PRR16: variants seen among roughly 807,000 people sequenced by gnomAD.
PRR16 encodes proline rich 16.
In PRR16, 6 loss-of-function variants were observed where a neutral mutation model predicts 18.2. That is an observed-to-expected ratio of 0.33 (90% CI 0.18 to 0.65). The LOEUF (loss-of-function observed/expected upper bound fraction) is 0.65, where lower values mean the gene tolerates loss of function less well. Among genes scored for constraint, PRR16 ranks in the 30% least tolerant of loss-of-function variants. The pLI is 0.74. For synonymous variants in PRR16, 151 were observed against 147.8 expected (o/e 1.02, Z -0.16); for missense variants, 412 against 376.6 (o/e 1.09, Z -0.78).
intron 1 of PRR16, among the ~76,000 whole-genome samples, chr5:120,574,907 G>A (rs1433288865): frequency 6.7e-6 from 1 of 148,468 alleles, no homozygotes; most frequent in Non-Finnish European, 1.5e-5. Context: ...ACATAACAAA[G>A]GAATTTGTTC....
chr5:120,688,386 T>A (rs1473670362), downstream of PRR16, among the ~76,000 whole-genome samples: 2 of 152,156 alleles, frequency 1.3e-5, no homozygotes, highest in Admixed American at 6.6e-5. Flanking sequence ...ATCAGAAAGT[T>A]ACAAAACAGA....
chr5:120,540,102 T>C (rs549472567), intron 1 of PRR16, among the ~76,000 whole-genome samples: 1 of 152,288 alleles, frequency 6.6e-6, no homozygotes. Context: ...ATTTTGATGG[T>C]TCATTAGAAG....
the PRR16 span, among the ~76,000 whole-genome samples, chr5:120,786,172 T>C: frequency 1.5e-4 from 23 of 151,774 alleles, no homozygotes; most frequent in African/African-American, 5.3e-4. Flanking sequence ...TCTTGTCTGT[T>C]TGGTAATCTA....
chr5:120,736,453 AAG>A, the PRR16 span, among the ~76,000 whole-genome samples: 1,294 of 151,154 alleles, frequency 8.6e-3, 18 homozygotes, highest in African/African-American at 0.03. Flanking sequence ...TTAGTACAGA[AAG>A]AGTTTCACCA....
intron 1 of PRR16, among the ~76,000 whole-genome samples, chr5:120,498,396 A>T (rs1018094832): frequency 6.7e-6 from 1 of 150,288 alleles, no homozygotes; most frequent in Admixed American, 6.6e-5. Context: ...GTCTTCTTGT[A>T]TTGCCATTTT....
intron 1 of PRR16, among the ~76,000 whole-genome samples, chr5:120,550,857 T>G (rs1014019314): frequency 2.6e-5 from 4 of 152,056 alleles, no homozygotes; most frequent in Admixed American, 2.6e-4. Context: ...TTTTCATTCC[T>G]CTTTACCAGC....
the PRR16 span, among the ~76,000 whole-genome samples, chr5:120,774,847 T>A: frequency 3.9e-5 from 6 of 152,316 alleles, no homozygotes; most frequent in African/African-American, 1.4e-4. Flanking sequence ...TACATAAATC[T>A]GAATATTTAT....
intron 1 of PRR16, among the ~76,000 whole-genome samples, chr5:120,655,732 T>TTG (rs1554092416): frequency 6.8e-4 from 62 of 91,352 alleles, no homozygotes; most frequent in African/African-American, 1.8e-3. Context: ...TGACTTTTTT[T>TTG]TTTTGTTTTT....
the PRR16 span, among the ~76,000 whole-genome samples, chr5:120,744,740 A>G: frequency 6.6e-6 from 1 of 152,174 alleles, no homozygotes; most frequent in East Asian, 1.9e-4. Context: ...TATATTTGTC[A>G]TAAATACTTT....
intron 1 of PRR16, among the ~76,000 whole-genome samples, chr5:120,521,882 T>G (rs1032022994): frequency 6.6e-6 from 1 of 152,174 alleles, no homozygotes; most frequent in South Asian, 2.1e-4. Context: ...CCAAGTTTTC[T>G]CATTGTTCAA....
At chr5:120,717,544 T>C in the PRR16 span, among the ~76,000 whole-genome samples, 1 of 152,126 alleles carries the variant, frequency 6.6e-6, no homozygotes, top group Non-Finnish European at 1.5e-5. Flanking sequence ...TATTTTCTAC[T>C]TATCCACTGG....
the PRR16 span, among the ~76,000 whole-genome samples, chr5:120,794,121 C>G: frequency 6.6e-6 from 1 of 152,106 alleles, no homozygotes; most frequent in South Asian, 2.1e-4. Context: ...ACTATAATCT[C>G]TCTCACTCAT....
chr5:120,572,323 G>C (rs1178958845), intron 1 of PRR16, among the ~76,000 whole-genome samples: 1 of 152,144 alleles, frequency 6.6e-6, no homozygotes, highest in African/African-American at 2.4e-5. Context: ...TTAAATTCCA[G>C]TTGAATTTTA....
chr5:120,775,330 G>C, the PRR16 span, among the ~76,000 whole-genome samples: 1 of 152,002 alleles, frequency 6.6e-6, no homozygotes, highest in Non-Finnish European at 1.5e-5. Flanking sequence ...ATTACTATCA[G>C]TCCAAGTCAC....
chr5:120,610,117 G>A (rs970185268), intron 1 of PRR16, among the ~76,000 whole-genome samples: 1 of 151,982 alleles, frequency 6.6e-6, no homozygotes, highest in African/African-American at 2.4e-5. Context: ...TTTTCGGTGG[G>A]GGGAAGTATC....
At chr5:120,566,405 A>G (rs960384294) in intron 1 of PRR16, among the ~76,000 whole-genome samples, 4 of 152,214 alleles carry the variant, frequency 2.6e-5, no homozygotes, top group African/African-American at 7.2e-5. Flanking sequence ...CTTCCTGCCC[A>G]TTCTAGTGAA....
chr5:120,651,138 G>C (rs554227105), intron 1 of PRR16, among the ~76,000 whole-genome samples: 47 of 152,264 alleles, frequency 3.1e-4, no homozygotes, highest in African/African-American at 1.0e-3. Context: ...TTTGAGAAGT[G>C]TCTGTTCATA....
intron 1 of PRR16, among the ~76,000 whole-genome samples, chr5:120,608,658 A>AT (rs980908470): frequency 2.2e-4 from 33 of 152,194 alleles, no homozygotes; most frequent in Non-Finnish European, 4.0e-4. Flanking sequence ...ATTAGGCTAG[A>AT]TTTTTTTCTA....
intron 1 of PRR16, among the ~76,000 whole-genome samples, chr5:120,667,894 T>C (rs563627469): frequency 7.2e-5 from 11 of 152,280 alleles, no homozygotes; most frequent in African/African-American, 2.6e-4. Context: ...AGTTTTGGAA[T>C]AGGTGTGGTG....
Sources: gnomAD v4.1 joint callset for allele counts (sites outside exome capture counted in the v4.1 genomes callset) on GRCh38, gnomAD v4.1.1 for gene constraint, MANE v1.5 for transcripts, NCBI Gene and HGNC (gene_info 2026-07-23, HGNC 2026-07-21) for gene names.